Variants in ST6GALNAC3 observed in about 807,000 individuals in gnomAD.
The protein encoded by ST6GALNAC3 is alpha-N-acetylgalactosaminide alpha-2,6-sialyltransferase 3.
ST6GALNAC3 carries 25 observed loss-of-function variants against 32.7 expected under a neutral mutation model. The observed-to-expected ratio is 0.76, with a 90% CI of 0.56 to 1.07. The LOEUF (loss-of-function observed/expected upper bound fraction) is 1.07, where lower values mean the gene tolerates loss of function less well. Ranked by LOEUF, ST6GALNAC3 falls within the 50% of genes least tolerant of loss-of-function variation. ST6GALNAC3 has a pLI of 0.00. For missense variants in ST6GALNAC3, 355 were observed against 382.4 expected (o/e 0.93, Z 0.60); for synonymous variants, 129 against 133.1 (o/e 0.97, Z 0.21).
intron 3 of ST6GALNAC3, among the ~76,000 whole-genome samples, chr1:76,478,193 T>C (rs1659476244): frequency 6.6e-6 from 1 of 152,192 alleles, no homozygotes; most frequent in African/African-American, 2.4e-5. Flanking sequence ...TGCCTGGTCT[T>C]GGACTAATTT....
chr1:76,630,573 TG>T lies in ST6GALNAC3; in HGVS notation c.*1769del. ...TCAACTTATAGAATGTTTTGGAAACTGGAAGTAATGATACATTTCACTTCAG... is the reference window on the plus strand; with the variant it reads ...TCAACTTATAGAATGTTTTGGAAACTGAAGTAATGATACATTTCACTTCAG... On this transcript the variant is annotated 3_prime_UTR_variant, in exon 5 of 5. Transcript: ENST00000328299. 1 of 985,470 alleles carries T rather than the reference TG, an allele frequency of 1.0e-6. No homozygotes were observed. The highest frequency in any genetic ancestry group is 1.7e-5 in the African/African-American group (1 of 57,314). 61.0% of individuals were successfully genotyped at this position (985,470 alleles called of 1,614,324 possible).
intron 3 of ST6GALNAC3, among the ~76,000 whole-genome samples, chr1:76,498,968 A>C (rs918276606): frequency 2.0e-5 from 3 of 152,150 alleles, no homozygotes; most frequent in Non-Finnish European, 4.4e-5. Flanking sequence ...TAAACAATAT[A>C]AGATAAATAA....
In ST6GALNAC3 at chr1:76,553,432, G is replaced by A. The variant is rs530560573; in HGVS notation, c.624-74020G>A. 4.3e-4 allele frequency among the ~76,000 whole-genome samples: 66 copies of A among 152,210 alleles called. 2 individuals are homozygous for A. Among genetic ancestry groups the A allele is most frequent in the African/African-American group, 1.2e-3 (49 of 41,522 alleles). On this transcript the variant is annotated intron_variant, in intron 3 of 4. Transcript: ENST00000328299. ...AGAATTTCTGGAGTCACTCAGGCCC[G>A]TGCCATATAATTACATTATTTGCTG... is the stretch of plus-strand genomic sequence containing the variant.
At chr1:76,228,850 C>T (rs968897429) in intron 1 of ST6GALNAC3, among the ~76,000 whole-genome samples, 7 of 152,174 alleles carry the variant, frequency 4.6e-5, no homozygotes, top group Admixed American at 1.3e-4. Flanking sequence ...ACATAAACAA[C>T]GGTTTCTGCC....
chr1:76,260,973 T>TACACACACACACAC (rs59946768), intron 1 of ST6GALNAC3, among the ~76,000 whole-genome samples: 1 of 146,198 alleles, frequency 6.8e-6, no homozygotes, highest in Non-Finnish European at 1.5e-5. Context: ...GAGGTTTTGA[T>TACACACACACACAC]ACACACACAC....
intron 1 of ST6GALNAC3, among the ~76,000 whole-genome samples, chr1:76,197,075 AT>A (rs1654247301): frequency 6.6e-6 from 1 of 152,132 alleles, no homozygotes; most frequent in Non-Finnish European, 1.5e-5. Flanking sequence ...AACTTGTCTG[AT>A]TTGCCAACAG....
intron 2 of ST6GALNAC3, among the ~76,000 whole-genome samples, chr1:76,391,258 T>G (rs1652522601): frequency 1.3e-5 from 2 of 152,124 alleles, no homozygotes; most frequent in Non-Finnish European, 2.9e-5. Flanking sequence ...TTATTAATCT[T>G]TTAAGTGATC....
intron 3 of ST6GALNAC3, among the ~76,000 whole-genome samples, chr1:76,601,204 AGAAGGAAGGAAG>A (rs539179601): frequency 2.6e-5 from 4 of 151,090 alleles, no homozygotes; most frequent in South Asian, 2.1e-4. Flanking sequence ...TCAAAAACAA[AGAAGGAAGGAAG>A]GAAGGAAGAA....
chr1:76,609,568 T>A (rs1647784594), intron 3 of ST6GALNAC3, among the ~76,000 whole-genome samples: 1 of 152,202 alleles, frequency 6.6e-6, no homozygotes, highest in Non-Finnish European at 1.5e-5. Flanking sequence ...ATTAAGATGT[T>A]TTTTAGAGAA....
intron 1 of ST6GALNAC3, among the ~76,000 whole-genome samples, chr1:76,196,996 A>T (rs1654243476): frequency 6.6e-6 from 1 of 152,178 alleles, no homozygotes; most frequent in African/African-American, 2.4e-5. Context: ...TTCAGTATTT[A>T]TATTTTTTCT....
At chr1:76,352,091 G>A (rs1649026190) in intron 2 of ST6GALNAC3, among the ~76,000 whole-genome samples, 1 of 152,044 alleles carries the variant, frequency 6.6e-6, no homozygotes, top group African/African-American at 2.4e-5. Flanking sequence ...GCTCCTTAGA[G>A]GGACAATAAT....
intron 1 of ST6GALNAC3, among the ~76,000 whole-genome samples, chr1:76,102,992 T>A (rs545935347): frequency 6.6e-6 from 1 of 152,264 alleles, no homozygotes; most frequent in South Asian, 2.1e-4. Context: ...CTATCTGTTA[T>A]GTTCTTTCAA....
chr1:76,389,183 G>T (rs1042211397), intron 2 of ST6GALNAC3, among the ~76,000 whole-genome samples: 1 of 151,958 alleles, frequency 6.6e-6, no homozygotes. Flanking sequence ...CTCTGGGCTA[G>T]GTCCTGCATG....
chr1:76,470,766 C>A (rs1232670149), intron 3 of ST6GALNAC3, among the ~76,000 whole-genome samples: 2 of 152,046 alleles, frequency 1.3e-5, no homozygotes, highest in Non-Finnish European at 2.9e-5. Context: ...CAAGAGAATA[C>A]CTGGGTCACA....
intron 2 of ST6GALNAC3, among the ~76,000 whole-genome samples, chr1:76,327,748 C>A (rs1246248938): frequency 6.6e-6 from 1 of 152,084 alleles, no homozygotes; most frequent in Non-Finnish European, 1.5e-5. Flanking sequence ...TACCACCATG[C>A]CTGGCTAATT....
At chr1:76,180,757 A>G (rs1653125879) in intron 1 of ST6GALNAC3, among the ~76,000 whole-genome samples, 1 of 152,146 alleles carries the variant, frequency 6.6e-6, no homozygotes, top group Non-Finnish European at 1.5e-5. Context: ...GCCAAACTCC[A>G]GGGGAAGATC....
At chr1:76,493,441 A>C (rs1660624112) in intron 3 of ST6GALNAC3, among the ~76,000 whole-genome samples, 1 of 152,214 alleles carries the variant, frequency 6.6e-6, no homozygotes, top group African/African-American at 2.4e-5. Context: ...CTTCGCCTCT[A>C]GTCTCTTTTC....
rs142640744 is a variant in ST6GALNAC3, at chr1:76,193,589, T to C, written c.18+118705T>C. ...CTGTAGTAGATACTACATATATCTTTGTGGAATGAATAATAATAATACTAG... is the reference window on the plus strand; with the variant it reads ...CTGTAGTAGATACTACATATATCTTCGTGGAATGAATAATAATAATACTAG... On this transcript the variant is annotated intron_variant, in intron 1 of 4. Transcript: ENST00000328299. Among the ~76,000 whole-genome samples, 879 of 152,264 alleles carry C rather than the reference T, an allele frequency of 5.8e-3. 3 individuals are homozygous for C. The highest frequency in any genetic ancestry group is 0.014 in the Middle Eastern group (4 of 294).
At chr1:76,112,028 C>T (rs1647996292) in intron 1 of ST6GALNAC3, among the ~76,000 whole-genome samples, 3 of 151,336 alleles carry the variant, frequency 2.0e-5, no homozygotes, top group Admixed American at 2.0e-4. Context: ...GGCAGAGGCG[C>T]CCCTCACCTC....
Sources: allele counts gnomAD v4.1 joint callset (sites outside exome capture counted in the v4.1 genomes callset), GRCh38; gene constraint gnomAD v4.1.1; transcripts MANE v1.5; gene names NCBI Gene and HGNC (gene_info 2026-07-23, HGNC 2026-07-21).